HEYL: variants seen among roughly 807,000 people sequenced by gnomAD.
The protein encoded by HEYL is hes related family bHLH transcription factor with YRPW motif like, also known as hairy/enhancer-of-split related with YRPW motif-like protein.
HEYL carries 12 observed loss-of-function variants against 18.6 expected under a neutral mutation model. The ratio of observed to expected loss-of-function variants is 0.65; its 90% confidence interval spans 0.41 to 1.05. The LOEUF (loss-of-function observed/expected upper bound fraction) is 1.05, where lower values mean the gene tolerates loss of function less well. Ranked by LOEUF, HEYL falls within the 50% of genes least tolerant of loss-of-function variation. The pLI is 0.00. For synonymous variants in HEYL, 159 were observed against 179.6 expected, an observed-to-expected ratio of 0.89 and a Z score of 0.91; for missense variants, 420 against 444.7, an observed-to-expected ratio of 0.94 and a Z score of 0.50.
intron 4 of HEYL, among the ~76,000 whole-genome samples, chr1:39,628,530 C>T (rs185147800): frequency 2.2e-4 from 34 of 152,246 alleles, no homozygotes; most frequent in African/African-American, 6.7e-4. Flanking sequence ...CCGCCCACCT[C>T]GGCCTCCCAA....
chr1:39,636,897 T>C (rs920008186), intron 1 of HEYL, among the ~76,000 whole-genome samples: 1 of 152,108 alleles, frequency 6.6e-6, no homozygotes, highest in African/African-American at 2.4e-5. Flanking sequence ...GACAGCAACG[T>C]TTATTGGAAG....
At chr1:39,634,087 TTTTG>T (rs886894234) in intron 1 of HEYL, among the ~76,000 whole-genome samples, 2 of 152,146 alleles carry the variant, frequency 1.3e-5, no homozygotes, top group African/African-American at 2.4e-5. Context: ...GCTCCCCAAC[TTTTG>T]TTTGTTTGTT....
chr1:39,626,623 C>G lies in HEYL; in HGVS notation c.871G>C (p.Ala291Pro). Reference sequence around the variant, plus strand: ...TTGGGGGTGGGAACAGCCACGTAAGCAGCCGACCCTGTAGGACCAGGGGGT... The same window carrying G: ...TTGGGGGTGGGAACAGCCACGTAAGGAGCCGACCCTGTAGGACCAGGGGGT... ...PTPPGPTGSA[A>P]YVAVPTPNSS... Residue 291 changes from alanine to proline, a missense_variant, in exon 5 of 5, where the codon GCT (alanine) becomes CCT (proline). Coordinates refer to ENST00000372852, the MANE Select transcript of HEYL (RefSeq NM_014571.4). 1.3e-6 allele frequency: 2 copies of G among 1,549,246 alleles called. No individual in the cohort carries two copies. Among genetic ancestry groups the G allele is most frequent in the Non-Finnish European group, 1.7e-6 (2 of 1,149,820 alleles).
intron 2 of HEYL, among the ~76,000 whole-genome samples, chr1:39,631,908 C>A (rs1258750003): frequency 2.6e-5 from 4 of 152,224 alleles, no homozygotes; most frequent in Non-Finnish European, 5.9e-5. Context: ...GCCCTGGAGG[C>A]CCGTGCTGGG....
chr1:39,626,821 C>G lies in HEYL; in HGVS notation c.673G>C (p.Ala225Pro). 6.4e-7 allele frequency: 1 copy of G among 1,567,306 alleles called. No homozygotes were observed. ...CGGGCTGGCAGGATGATGCCTGTGG[C>G]TCTGCGAAGGGGAGCGGTTCGGAGG... ...PALRTAPLRR[A>P]TGIILPARRN... Residue 225 changes from alanine to proline, a missense_variant, in exon 5 of 5, where the codon GCC becomes CCC. Physicochemically the swap from Ala to Pro is conservative, Grantham distance 27. Coordinates refer to ENST00000372852, the MANE Select transcript of HEYL (RefSeq NM_014571.4).
In HEYL at chr1:39,626,760, G is replaced by C; in HGVS notation, c.734C>G (p.Thr245Ser). Residue 245 changes from threonine to serine, a missense_variant, in exon 5 of 5, where the codon ACC becomes AGC. Coordinates refer to ENST00000372852, the MANE Select transcript of HEYL (RefSeq NM_014571.4). ...NVLPSRGASS[T>S]RRARPLERPA... ...CCTCTCTAGGGGGCGGGCCCTCCGG[G>C]TGGAAGATGCCCCTCGACTGGGCAG... The C allele has an allele frequency of 6.5e-7, 1 of 1,537,274 alleles. No individual in the cohort carries two copies. Among genetic ancestry groups the C allele is most frequent in the Non-Finnish European group, 8.8e-7 (1 of 1,138,140 alleles).
chr1:39,634,014 CCA>C (rs1448476533), intron 1 of HEYL: 4 of 152,224 alleles, frequency 2.6e-5, no homozygotes, highest in African/African-American at 9.7e-5. Context: ...AAGCCTATCT[CCA>C]CACTGCAGGC....
In HEYL at chr1:39,639,637, G is replaced by A. The variant is rs1328010967; in HGVS notation, c.-12C>T. On this transcript the variant is annotated 5_prime_UTR_variant, in exon 1 of 5. Coordinates refer to ENST00000372852, the MANE Select transcript of HEYL (RefSeq NM_014571.4). ...TTGGGTCGCTTCATGGCGAACGCAG[G>A]CTGCCTGGTCTCAGCCCCGCGGCTA... 1 of 1,543,222 alleles carries A rather than the reference G, an allele frequency of 6.5e-7. No individual in the cohort carries two copies. The highest frequency in any genetic ancestry group is 8.7e-7 in the Non-Finnish European group (1 of 1,151,456).
Position 39,630,260 on chromosome 1 carries a change from G to A in HEYL, c.280C>T (p.His94Tyr), listed in dbSNP as rs1646325443. 1 of 1,614,082 alleles carries A rather than the reference G, an allele frequency of 6.2e-7. No individual in the cohort carries two copies. Among genetic ancestry groups the A allele is most frequent in the Non-Finnish European group, 8.5e-7 (1 of 1,179,990 alleles). The change falls in exon 4 of 5, where the codon CAC becomes TAC. Residue 94 changes from histidine to tyrosine, a missense_variant. His to Tyr is a moderately conservative substitution (Grantham distance 83, BLOSUM62 2). Coordinates refer to ENST00000372852, the MANE Select transcript of HEYL (RefSeq NM_014571.4). ...KAEVLQMTVD[H>Y]LKMLHATGGT... ...CCAGTGGCATGGAGCATTTTCAAGTGATCCACCGTCATCTGCAAGACCTCG... is the reference window on the plus strand; with the variant it reads ...CCAGTGGCATGGAGCATTTTCAAGTAATCCACCGTCATCTGCAAGACCTCG...
At chr1:39,630,104 C>A in intron 4 of HEYL, 123 bp downstream of exon 4, 1 of 768,344 alleles carries the variant, frequency 1.3e-6, no homozygotes, top group Admixed American at 1.9e-5. Context: ...GCAAATGTTC[C>A]CTCCATTGAC....
chr1:39,637,910 C>T (rs1646368632), intron 1 of HEYL, among the ~76,000 whole-genome samples: 1 of 152,152 alleles, frequency 6.6e-6, no homozygotes, highest in South Asian at 2.1e-4. Context: ...AGGTCACTGA[C>T]TGGGCTGCAA....
chr1:39,631,386 T>G (rs1020216057), intron 3 of HEYL, 110 bp downstream of exon 3: 4 of 864,200 alleles, frequency 4.6e-6, no homozygotes, highest in Middle Eastern at 3.2e-4. Context: ...TGGTAAATGA[T>G]CACAGCATCT....
chr1:39,628,278 T>A (rs1045847424), intron 4 of HEYL, among the ~76,000 whole-genome samples: 2 of 152,222 alleles, frequency 1.3e-5, no homozygotes, highest in Non-Finnish European at 2.9e-5. Context: ...CTGTTCTTTT[T>A]TTCTTTTTTT....
intron 1 of HEYL, among the ~76,000 whole-genome samples, chr1:39,634,388 G>A (rs548119489): frequency 2.0e-5 from 3 of 152,126 alleles, no homozygotes; most frequent in African/African-American, 7.2e-5. Flanking sequence ...AGCCACCATG[G>A]CTGGCCCCAA....
At position 39,623,693 on chromosome 1, in the gene HEYL, G is replaced by C. The variant is rs765821510; in HGVS notation, c.*2814C>G. Among the ~76,000 whole-genome samples the C allele has an allele frequency of 6.6e-6, 1 of 152,234 alleles. No homozygotes were observed. ...AGTCGAGGAAGGCCTCTTGGACGAG[G>C]CAACGTTGAAGCCAAGGCCTGAGGG... On this transcript the variant is annotated 3_prime_UTR_variant, in exon 5 of 5. Transcript: ENST00000372852.
chr1:39,632,737 G>T, intron 1 of HEYL, 22 bp from the exon 2 acceptor site: 2 of 1,613,574 alleles, frequency 1.2e-6, no homozygotes, highest in Non-Finnish European at 1.7e-6. Flanking sequence ...AAGAAAAGCT[G>T]ATTTTTCAGG....
At chr1:39,633,186 C>T (rs1287572730) in intron 1 of HEYL, 1 of 907,838 alleles carries the variant, frequency 1.1e-6, no homozygotes, top group Non-Finnish European at 1.3e-6. Flanking sequence ...CTGCAGCTGC[C>T]GCCTCCTCCC....
At chr1:39,629,805 T>C (rs1378077652) in intron 4 of HEYL, among the ~76,000 whole-genome samples, 1 of 152,242 alleles carries the variant, frequency 6.6e-6, no homozygotes, top group Non-Finnish European at 1.5e-5. Context: ...ACCCCAGTTC[T>C]GCCAAGGACC....
chr1:39,633,014 C>T (rs1646343505), intron 1 of HEYL: 1 of 974,064 alleles, frequency 1.0e-6, no homozygotes, highest in Non-Finnish European at 1.2e-6. Context: ...CTCCTGCAAC[C>T]CGATCCCCGG....
Sources: gnomAD v4.1 joint callset for allele counts (sites outside exome capture counted in the v4.1 genomes callset) on GRCh38, gnomAD v4.1.1 for gene constraint, MANE v1.5 for transcripts, NCBI Gene and HGNC (gene_info 2026-07-23, HGNC 2026-07-21) for gene names.